TAFA4: variants seen among roughly 807,000 people sequenced by gnomAD.
TAFA4 encodes TAFA chemokine like family member 4.
Under a neutral mutation model 21.1 loss-of-function variants are expected in TAFA4, and 20 were observed. The observed-to-expected ratio is 0.95, with a 90% CI of 0.67 to 1.38. TAFA4 has a LOEUF of 1.38. Among genes scored for constraint, TAFA4 ranks in the 40% most tolerant of loss-of-function variants. The pLI, the probability that TAFA4 is intolerant of heterozygous loss-of-function variation, is 0.00. For missense variants in TAFA4, 211 were observed against 180.9 expected, an observed-to-expected ratio of 1.17 and a Z score of -0.95; for synonymous variants, 71 against 67.4, an observed-to-expected ratio of 1.05 and a Z score of -0.26.
At chr3:68,915,977 T>C (rs893537649) in intron 1 of TAFA4, 3 of 152,242 alleles carry the variant, frequency 2.0e-5, no homozygotes, top group African/African-American at 7.2e-5. Flanking sequence ...GTGACTATTT[T>C]TCTATCTGCA....
intron 2 of TAFA4, chr3:68,882,990 C>A (rs1162029526): frequency 6.6e-6 from 1 of 152,276 alleles, no homozygotes; most frequent in African/African-American, 2.4e-5. Context: ...CTACCCTCAA[C>A]CCACCTGATC....
rs1575612172 is a variant in TAFA4, at chr3:68,797,079, A to G, written c.131-44061T>C. ...GTAAAATGGTACAACTACTGTAGAA[A>G]ACAATACGGCATTTCCTTAAAAAAG... is the stretch of plus-strand genomic sequence containing the variant. On this transcript the variant is annotated intron_variant, in intron 3 of 5. Transcript: ENST00000295569. 4.6e-5 allele frequency among the ~76,000 whole-genome samples: 7 copies of G among 152,236 alleles called. No homozygotes were observed. The South Asian group carries it at 1.4e-3, about 32-fold the overall frequency.
intron 3 of TAFA4, among the ~76,000 whole-genome samples, chr3:68,831,976 C>T (rs966152583): frequency 6.6e-6 from 1 of 152,182 alleles, no homozygotes; most frequent in Non-Finnish European, 1.5e-5. Context: ...AAATTGGCTA[C>T]TGAAGCTTGT....
intron 4 of TAFA4, among the ~76,000 whole-genome samples, chr3:68,747,927 T>A (rs1417693561): frequency 2.0e-5 from 3 of 152,172 alleles, no homozygotes; most frequent in Non-Finnish European, 4.4e-5. Context: ...CTACTTCTAG[T>A]TCCCGAGTTA....
At chr3:68,770,878 G>T (rs1702943939) in intron 3 of TAFA4, among the ~76,000 whole-genome samples, 1 of 152,178 alleles carries the variant, frequency 6.6e-6, no homozygotes, top group Non-Finnish European at 1.5e-5. Context: ...TGCCCAAAAA[G>T]TTGCCTTTTG....
chr3:68,823,209 A>T (rs1704150856), intron 3 of TAFA4, among the ~76,000 whole-genome samples: 1 of 152,178 alleles, frequency 6.6e-6, no homozygotes. Flanking sequence ...AACTTGGATG[A>T]GATAAAAAAT....
chr3:68,898,632 T>A (rs1330854432), intron 1 of TAFA4, among the ~76,000 whole-genome samples: 3 of 152,204 alleles, frequency 2.0e-5, no homozygotes, highest in Non-Finnish European at 4.4e-5. Flanking sequence ...GGTGACAGAA[T>A]GAGATTCCAT....
At chr3:68,874,836 G>A (rs985067996) in intron 3 of TAFA4, among the ~76,000 whole-genome samples, 1 of 151,984 alleles carries the variant, frequency 6.6e-6, no homozygotes, top group African/African-American at 2.4e-5. Flanking sequence ...TCATTTGTCA[G>A]ACATTTCACA....
At chr3:68,822,558 C>A (rs1267409238) in intron 3 of TAFA4, among the ~76,000 whole-genome samples, 1 of 152,144 alleles carries the variant, frequency 6.6e-6, no homozygotes, top group Non-Finnish European at 1.5e-5. Flanking sequence ...GCAGCCTTGA[C>A]CTCCCTGGGC....
chr3:68,918,531 A>C (rs1369473320), intron 1 of TAFA4, among the ~76,000 whole-genome samples: 1 of 152,084 alleles, frequency 6.6e-6, no homozygotes, highest in African/African-American at 2.4e-5. Context: ...TAAATTATAA[A>C]ACTTCATTTG....
intron 3 of TAFA4, among the ~76,000 whole-genome samples, chr3:68,781,102 A>T (rs1703145422): frequency 6.6e-6 from 1 of 152,112 alleles, no homozygotes; most frequent in African/African-American, 2.4e-5. Flanking sequence ...CAATGAAAAT[A>T]AAAATAGAAC....
intron 1 of TAFA4, chr3:68,913,455 G>A (rs937482068): frequency 6.6e-6 from 1 of 152,214 alleles, no homozygotes; most frequent in Non-Finnish European, 1.5e-5. Flanking sequence ...GGAGGGCATG[G>A]AGGAGGTGGT....
At chr3:68,789,146 G>T (rs898813580) in intron 3 of TAFA4, among the ~76,000 whole-genome samples, 3 of 151,850 alleles carry the variant, frequency 2.0e-5, no homozygotes, top group Admixed American at 2.0e-4. Context: ...CAGGAGAATG[G>T]TGTGAACCTG....
intron 3 of TAFA4, among the ~76,000 whole-genome samples, chr3:68,753,284 A>AT (rs1702593887): frequency 6.6e-6 from 1 of 151,530 alleles, no homozygotes; most frequent in East Asian, 1.9e-4. Flanking sequence ...GTTATGACAC[A>AT]TTAATTACAT....
intron 1 of TAFA4, among the ~76,000 whole-genome samples, chr3:68,931,005 G>T (rs1179008845): frequency 2.0e-5 from 3 of 152,228 alleles, no homozygotes; most frequent in Non-Finnish European, 2.9e-5. Context: ...TCTAGAGGGG[G>T]CCAAACGAAG....
chr3:68,852,873 AAAAAG>A (rs1704982535), intron 3 of TAFA4, among the ~76,000 whole-genome samples: 1 of 152,210 alleles, frequency 6.6e-6, no homozygotes, highest in African/African-American at 2.4e-5. Flanking sequence ...TGGAAAAAGA[AAAAAG>A]AAAAGAAAAA....
chr3:68,806,075 T>A (rs544505241), intron 3 of TAFA4, among the ~76,000 whole-genome samples: 1 of 152,204 alleles, frequency 6.6e-6, no homozygotes, highest in South Asian at 2.1e-4. Context: ...GGGTCTTGAA[T>A]TTGTGTGACT....
At chr3:68,930,238 T>C (rs1042904711) in intron 1 of TAFA4, among the ~76,000 whole-genome samples, 5 of 152,202 alleles carry the variant, frequency 3.3e-5, no homozygotes, top group Non-Finnish European at 7.3e-5. Flanking sequence ...TAGGATATTC[T>C]AGTACTAGAA....
intron 1 of TAFA4, among the ~76,000 whole-genome samples, chr3:68,904,982 C>T (rs138734986): frequency 4.7e-4 from 72 of 152,190 alleles, no homozygotes; most frequent in Non-Finnish European, 8.1e-4. Context: ...GTGGCTGCTA[C>T]CCATAACCAA....
Sources: allele counts gnomAD v4.1 joint callset (sites outside exome capture counted in the v4.1 genomes callset), GRCh38; gene constraint gnomAD v4.1.1; transcripts MANE v1.5; gene names NCBI Gene and HGNC (gene_info 2026-07-23, HGNC 2026-07-21).